LRRIQ1: variants seen among roughly 807,000 people sequenced by gnomAD.
LRRIQ1 encodes the protein leucine-rich repeat- and IQ domain-containing protein 1.
A neutral mutation model predicts 211.9 loss-of-function variants in LRRIQ1; 210 were observed. The ratio of observed to expected loss-of-function variants is 0.99; its 90% confidence interval spans 0.89 to 1.11. LRRIQ1 has a LOEUF of 1.11. Ranked by LOEUF, LRRIQ1 falls within the 50% of genes most tolerant of loss-of-function variation. The pLI, the probability that LRRIQ1 is intolerant of heterozygous loss-of-function variation, is 0.00. For missense variants in LRRIQ1, 2,136 were observed against 1,939.5 expected, an observed-to-expected ratio of 1.10 and a Z score of -1.90; for synonymous variants, 699 against 650.1, an observed-to-expected ratio of 1.08 and a Z score of -1.14.
In LRRIQ1 at chr12:85,036,363, T is replaced by C. The variant is rs1878049765; in HGVS notation, c.-69T>C. ...ATGGATACGCTTTGTGTAGCGGCTA[T>C]GGGCGCTGTCTTACAACAAAGCCAA... On this transcript the variant is annotated 5_prime_UTR_variant, in exon 1 of 27. It removes an upstream start codon present in the reference 5' UTR. Transcript: ENST00000393217. 1 of 152,182 alleles carries C rather than the reference T, an allele frequency of 6.6e-6. No individual in the cohort carries two copies. Among genetic ancestry groups the C allele is most frequent in the African/African-American group, 2.4e-5 (1 of 41,436 alleles). The allele number at this position is 152,182 out of a possible 1,614,324, so 9.4% of individuals were successfully genotyped here.
intron 15 of LRRIQ1, among the ~76,000 whole-genome samples, chr12:85,110,807 T>G (rs1452874080): frequency 6.6e-6 from 1 of 152,040 alleles, no homozygotes; most frequent in African/African-American, 2.4e-5. Context: ...TTGAAGCTAG[T>G]CTATTCAGAT....
chr12:85,201,804 G>A (rs1226308703), intron 24 of LRRIQ1, among the ~76,000 whole-genome samples: 2 of 151,730 alleles, frequency 1.3e-5, no homozygotes, highest in Non-Finnish European at 2.9e-5. Context: ...CTTTAATTTT[G>A]GTCATTTCTT....
intron 24 of LRRIQ1, among the ~76,000 whole-genome samples, chr12:85,192,953 A>T (rs1227902980): frequency 1.2e-5 from 1 of 80,056 alleles, no homozygotes; most frequent in Non-Finnish European, 2.1e-5. Flanking sequence ...TAAATATATA[A>T]TTATATAATA....
intron 15 of LRRIQ1, among the ~76,000 whole-genome samples, chr12:85,117,088 C>T (rs1377787681): frequency 7.9e-5 from 12 of 152,090 alleles, no homozygotes. Context: ...CATAAACAGT[C>T]ATTTCGGAAA....
chr12:85,254,604 C>T (rs1020661004), intron 1 of LRRIQ1, among the ~76,000 whole-genome samples: 1 of 152,094 alleles, frequency 6.6e-6, no homozygotes, highest in African/African-American at 2.4e-5. Flanking sequence ...TTTGTTTCAT[C>T]TCTCCACTAA....
intron 11 of LRRIQ1, among the ~76,000 whole-genome samples, chr12:85,074,694 A>G (rs1235470012): frequency 6.6e-6 from 1 of 152,038 alleles, no homozygotes; most frequent in African/African-American, 2.4e-5. Flanking sequence ...CTTTGTTTGA[A>G]ATTTCCCATA....
chr12:85,192,626 AAATAAATATATATAGTTATATACTATAAT>A (rs1168932244), intron 24 of LRRIQ1, among the ~76,000 whole-genome samples: 2,183 of 105,404 alleles, frequency 0.021, 453 homozygotes, highest in African/African-American at 0.067. Context: ...CTATAATTAT[AAATAAATATATATAGTTATATACTATAAT>A]TATAAATATA....
intron 24 of LRRIQ1, among the ~76,000 whole-genome samples, chr12:85,190,746 AT>A (rs1202480263): frequency 6.6e-6 from 1 of 151,830 alleles, no homozygotes; most frequent in African/African-American, 2.4e-5. Context: ...GCCTCTCGGA[AT>A]TTTTGTGAGA....
At chr12:85,059,941 G>A (rs1881592248) in intron 8 of LRRIQ1, among the ~76,000 whole-genome samples, 1 of 151,940 alleles carries the variant, frequency 6.6e-6, no homozygotes, top group Non-Finnish European at 1.5e-5. Context: ...ATTGACTGAA[G>A]AGGAAATGAA....
intron 7 of LRRIQ1, among the ~76,000 whole-genome samples, chr12:85,053,154 T>A (rs369560004): frequency 3.0e-4 from 46 of 151,516 alleles, no homozygotes; most frequent in African/African-American, 1.1e-3. Context: ...AGAAAAAAAA[T>A]TGCAAGAAGA....
At chr12:85,256,871 T>A (rs1395264687) in intron 1 of LRRIQ1, among the ~76,000 whole-genome samples, 1 of 149,762 alleles carries the variant, frequency 6.7e-6, no homozygotes, top group Non-Finnish European at 1.5e-5. Context: ...TAATTTGAGT[T>A]TTAAATGTTT....
chr12:85,198,413 T>C (rs1435187477), intron 24 of LRRIQ1, among the ~76,000 whole-genome samples: 1 of 151,920 alleles, frequency 6.6e-6, no homozygotes, highest in South Asian at 2.1e-4. Flanking sequence ...TGAACAAATT[T>C]ATATCCCCAC....
chr12:85,220,860 G>A (rs994584241), intron 24 of LRRIQ1, among the ~76,000 whole-genome samples: 3 of 140,994 alleles, frequency 2.1e-5, no homozygotes, highest in Non-Finnish European at 4.5e-5. Flanking sequence ...CAGGTTGGAC[G>A]GCAGTGGCGT....
At chr12:85,049,794 C>T (rs950138744) in intron 6 of LRRIQ1, among the ~76,000 whole-genome samples, 11 of 151,960 alleles carry the variant, frequency 7.2e-5, no homozygotes, top group African/African-American at 2.4e-4. Context: ...TAACCAATGA[C>T]TTCTATATAT....
intron 7 of LRRIQ1, among the ~76,000 whole-genome samples, chr12:85,054,500 C>G (rs1467288145): frequency 2.0e-5 from 3 of 152,046 alleles, no homozygotes; most frequent in Non-Finnish European, 4.4e-5. Context: ...ACGTATTTTT[C>G]TATTATTTTC....
Position 85,108,722 on chromosome 12 carries a change from A to G in LRRIQ1, c.3377+2107A>G, listed in dbSNP as rs868504947. ...CTTTTGAGATGGTTTCACATTATTT[A>G]TTGTACATTTGACATTTTTATACTG... On this transcript the variant is annotated intron_variant, in intron 15 of 26. Transcript: ENST00000393217. Among the ~76,000 whole-genome samples the G allele has an allele frequency of 9.9e-5, 15 of 152,152 alleles. 1 individual carries two copies. The South Asian group carries it at 1.2e-3, about 13-fold the overall frequency.
At chr12:85,157,512 T>C (rs1890620340) in intron 23 of LRRIQ1, among the ~76,000 whole-genome samples, 1 of 151,966 alleles carries the variant, frequency 6.6e-6, no homozygotes, top group Non-Finnish European at 1.5e-5. Context: ...TATTGTTGCT[T>C]CATACACAGA....
At chr12:85,217,638 A>ATATATGTGTATATGTATATATG (rs1894197232) in intron 24 of LRRIQ1, among the ~76,000 whole-genome samples, 1 of 109,774 alleles carries the variant, frequency 9.1e-6, no homozygotes. Context: ...GTATATATGT[A>ATATATGTGTATATGTATATATG]TATATATGTG....
intron 24 of LRRIQ1, 125 bp downstream of exon 24, chr12:85,160,839 T>C: frequency 2.6e-6 from 1 of 379,750 alleles, no homozygotes; most frequent in Non-Finnish European, 4.4e-6. Context: ...GTATAACATA[T>C]ACTTGAATAA....
Sources: allele counts gnomAD v4.1 joint callset (sites outside exome capture counted in the v4.1 genomes callset), GRCh38; gene constraint gnomAD v4.1.1; transcripts MANE v1.5; gene names NCBI Gene and HGNC (gene_info 2026-07-23, HGNC 2026-07-21).